RIMBP2: variants seen among roughly 807,000 people sequenced by gnomAD.
RIMBP2 encodes RIMS binding protein 2, also known as RIMS-binding protein 2.
Under a neutral mutation model 118.6 loss-of-function variants are expected in RIMBP2, and 48 were observed. The ratio of observed to expected loss-of-function variants is 0.40; its 90% CI spans 0.32 to 0.51. The LOEUF (loss-of-function observed/expected upper bound fraction) is 0.51, where lower values mean the gene tolerates loss of function less well. Ranked by LOEUF, RIMBP2 falls within the 20% of genes least tolerant of loss-of-function variation. RIMBP2 has a pLI of 0.41. For missense variants in RIMBP2, 1,551 were observed against 1,768.3 expected, an observed-to-expected ratio of 0.88 and a Z score of 2.20; for synonymous variants, 762 against 742.9, an observed-to-expected ratio of 1.03 and a Z score of -0.42.
chr12:130,641,203 T>G (rs1427610083), intron 1 of RIMBP2, among the ~76,000 whole-genome samples: 1 of 152,104 alleles, frequency 6.6e-6, no homozygotes. Context: ...TCCTCTTCTG[T>G]TTGCCATTCC....
chr12:130,527,249 A>G (rs750893739), intron 2 of RIMBP2, among the ~76,000 whole-genome samples: 7 of 152,244 alleles, frequency 4.6e-5, no homozygotes, highest in African/African-American at 7.2e-5. Flanking sequence ...CGTAAAGGAC[A>G]ATTTGAATGT....
chr12:130,452,438 TGGAG>T (rs2079078733), intron 7 of RIMBP2, among the ~76,000 whole-genome samples: 1 of 152,200 alleles, frequency 6.6e-6, no homozygotes, highest in Non-Finnish European at 1.5e-5. Context: ...CATCTGATCC[TGGAG>T]GGCAGGACCT....
Position 130,705,912 on chromosome 12 carries a change from G to A in RIMBP2, c.-352+10310C>T, listed in dbSNP as rs77558768. 1.1e-3 allele frequency among the ~76,000 whole-genome samples: 164 copies of A among 152,312 alleles called. 1 individual carries two copies. The East Asian group carries it at 0.027, about 25-fold the overall frequency. ...CGTGCAAAAGTGTCTCCCTCCTACC[G>A]TGACCGGCTCACTTCGCACACACTT... On this transcript the variant is annotated intron_variant, in intron 1 of 22. Coordinates refer to ENST00000690449, the MANE Select transcript of RIMBP2 (RefSeq NM_001393629.1).
At chr12:130,561,069 A>C (rs1242136931) in intron 2 of RIMBP2, among the ~76,000 whole-genome samples, 1 of 152,208 alleles carries the variant, frequency 6.6e-6, no homozygotes, top group Non-Finnish European at 1.5e-5. Context: ...AAAAGCAGAG[A>C]TCAGGGTGAT....
intron 21 of RIMBP2, among the ~76,000 whole-genome samples, chr12:130,405,585 C>T (rs1004748374): frequency 2.6e-5 from 4 of 151,880 alleles, no homozygotes; most frequent in African/African-American, 9.7e-5. Context: ...CTCCCTTTGC[C>T]CCAGGGAGTA....
chr12:130,606,569 G>A (rs528442274), intron 2 of RIMBP2, among the ~76,000 whole-genome samples: 1 of 152,222 alleles, frequency 6.6e-6, no homozygotes, highest in Non-Finnish European at 1.5e-5. Context: ...TCTGTGGAGT[G>A]TCTCTTGGGA....
chr12:130,659,438 G>T (rs1029727055), intron 1 of RIMBP2, among the ~76,000 whole-genome samples: 4 of 140,160 alleles, frequency 2.9e-5, no homozygotes, highest in Non-Finnish European at 3.2e-5. Context: ...AGGCGTGGTG[G>T]TGGCGCCTGT....
chr12:130,638,643 A>G (rs929237897), intron 1 of RIMBP2, among the ~76,000 whole-genome samples: 2 of 152,134 alleles, frequency 1.3e-5, no homozygotes, highest in Non-Finnish European at 2.9e-5. Context: ...CTGAGGTTTC[A>G]TCCTGAAACC....
At chr12:130,535,992 T>G (rs1008103341) in intron 2 of RIMBP2, among the ~76,000 whole-genome samples, 1 of 151,938 alleles carries the variant, frequency 6.6e-6, no homozygotes, top group African/African-American at 2.4e-5. Flanking sequence ...TTTCACCAAG[T>G]TGCCCAGGCT....
At chr12:130,571,408 A>T (rs2057637329) in intron 2 of RIMBP2, among the ~76,000 whole-genome samples, 1 of 128,572 alleles carries the variant, frequency 7.8e-6, no homozygotes, top group Admixed American at 9.8e-5. Context: ...ACTGCTACCC[A>T]TAGTAACATT....
chr12:130,713,258 G>GAAGA (rs1950085951), intron 1 of RIMBP2, among the ~76,000 whole-genome samples: 1 of 143,176 alleles, frequency 7.0e-6, no homozygotes, highest in Non-Finnish European at 1.5e-5. Context: ...AGGAAGGAAG[G>GAAGA]AAGGAAGGAA....
chr12:130,493,093 C>T (rs547400294), intron 4 of RIMBP2, among the ~76,000 whole-genome samples: 4 of 151,990 alleles, frequency 2.6e-5, no homozygotes, highest in East Asian at 4.0e-4. Context: ...GCCTAGATAA[C>T]GCACTGCACT....
chr12:130,434,891 A>G lies in RIMBP2; in HGVS notation c.2107-11T>C, dbSNP rs1044975815. The G allele has an allele frequency of 6.2e-7, 1 of 1,600,330 alleles. No homozygotes were observed. On this transcript the variant is annotated splice_polypyrimidine_tract_variant and intron_variant, in intron 13 of 22. Coordinates refer to ENST00000690449, the MANE Select transcript of RIMBP2 (RefSeq NM_001393629.1). The surrounding 1 kb of genome is among the most constrained non-coding windows in gnomAD (Gnocchi z 5.7). Reference sequence around the variant, plus strand: ...GCTCCTTTTCTCTAACTTGGAAAGAAAAAGGAGGCACACGGGTGAGGCAGG... The same window carrying G: ...GCTCCTTTTCTCTAACTTGGAAAGAGAAAGGAGGCACACGGGTGAGGCAGG...
At chr12:130,481,101 G>A (rs897783688) in intron 4 of RIMBP2, among the ~76,000 whole-genome samples, 1 of 149,886 alleles carries the variant, frequency 6.7e-6, no homozygotes, top group Non-Finnish European at 1.5e-5. Flanking sequence ...TGAGGGCGGG[G>A]GGCACCCAGG....
intron 1 of RIMBP2, among the ~76,000 whole-genome samples, chr12:130,705,027 C>T (rs969796840): frequency 6.6e-6 from 1 of 152,184 alleles, no homozygotes; most frequent in Admixed American, 6.5e-5. Flanking sequence ...GGCCAGAAGC[C>T]CAGAAGCCGG....
Position 130,402,358 on chromosome 12 carries a change from G to A in RIMBP2, c.3766-2545C>T, listed in dbSNP as rs146258799. Among the ~76,000 whole-genome samples, 263 of 152,132 alleles carry A rather than the reference G, an allele frequency of 1.7e-3. 2 individuals carry two copies. Among genetic ancestry groups the A allele is most frequent in the African/African-American group, 6.1e-3 (255 of 41,500 alleles). On this transcript the variant is annotated intron_variant, in intron 21 of 22. Transcript: ENST00000690449. ...GTCAGAATCGAAGGCTCCCCCAGAC[G>A]ACATTCTCTGTCCCTCTGACTGGCA...
At chr12:130,572,879 C>T (rs78280740) in intron 2 of RIMBP2, among the ~76,000 whole-genome samples, 14 of 151,984 alleles carry the variant, frequency 9.2e-5, no homozygotes, top group East Asian at 3.9e-4. Flanking sequence ...GAGGCAGGAG[C>T]CAGGGTAGGA....
Position 130,597,228 on chromosome 12 carries a change from C to T in RIMBP2, c.-217+31094G>A, listed in dbSNP as rs372684891. Among the ~76,000 whole-genome samples, 45 of 152,128 alleles carry T rather than the reference C, an allele frequency of 3.0e-4. 1 individual carries two copies. Among genetic ancestry groups the T allele is most frequent in the African/African-American group, 1.0e-3 (43 of 41,504 alleles). Reference sequence around the variant, plus strand: ...CCAACAATATATTCAAAAGAAAGCCCATCGTTTTTATTTTTATTTATTTAT... The same window carrying T: ...CCAACAATATATTCAAAAGAAAGCCTATCGTTTTTATTTTTATTTATTTAT... On this transcript the variant is annotated intron_variant, in intron 2 of 22. Transcript: ENST00000690449.
At position 130,622,082 on chromosome 12, in the gene RIMBP2, C is replaced by A. The variant is rs1045297458; in HGVS notation, c.-217+6240G>T. 2.0e-5 allele frequency among the ~76,000 whole-genome samples: 3 copies of A among 152,186 alleles called. No homozygotes were observed. Among genetic ancestry groups the A allele is most frequent in the African/African-American group, 7.2e-5 (3 of 41,428 alleles). ...TCATGAAGAGTAACGACATTAAGAG[C>A]CATTTTAACTAGACATTTCCGCACA... On this transcript the variant is annotated intron_variant, in intron 2 of 22. Coordinates refer to ENST00000690449, the MANE Select transcript of RIMBP2 (RefSeq NM_001393629.1). The surrounding 1 kb of genome is among the most constrained non-coding windows in gnomAD (Gnocchi z 8.5).
Sources: gnomAD v4.1 joint callset for allele counts (sites outside exome capture counted in the v4.1 genomes callset) on GRCh38, gnomAD v4.1.1 for gene constraint, Gnocchi (gnomAD v3.1) non-coding constraint, MANE v1.5 for transcripts, NCBI Gene and HGNC (gene_info 2026-07-23, HGNC 2026-07-21) for gene names.